MLLT10: variants seen among roughly 807,000 people sequenced by gnomAD.
The protein encoded by MLLT10 is protein AF-10.
Under a neutral mutation model 129.1 loss-of-function variants are expected in MLLT10, and 30 were observed. That is an observed-to-expected ratio of 0.23 (90% CI 0.17 to 0.32). MLLT10 has a LOEUF of 0.32. Ranked by LOEUF, MLLT10 falls within the 10% of genes least tolerant of loss-of-function variation. MLLT10 has a pLI of 1.00. For synonymous variants in MLLT10, 490 were observed against 446.4 expected (o/e 1.10, Z -1.23); for missense variants, 1,119 against 1,268.3 (o/e 0.88, Z 1.79).
intron 3 of MLLT10, 25 bp from the exon 4 acceptor site, chr10:21,586,269 C>T: frequency 1.4e-6 from 2 of 1,459,804 alleles, no homozygotes; most frequent in Non-Finnish European, 9.4e-7. Flanking sequence ...ATATTCATTA[C>T]CTGTTTCTTT....
Position 21,665,297 on chromosome 10 carries a change from T to G in MLLT10, c.796-5152T>G, listed in dbSNP as rs113509170. ...TTCTTTTTTGTTTGTTTGTTTGTTT[T>G]TTTTGGGGGGGGGGGGGTTTCACTC... On this transcript the variant is annotated intron_variant, in intron 9 of 22. Transcript: ENST00000307729. Among the ~76,000 whole-genome samples the G allele has an allele frequency of 2.7e-3, 276 of 101,780 alleles. 2 individuals carry two copies. Among genetic ancestry groups the G allele is most frequent in the African/African-American group, 9.8e-3 (252 of 25,634 alleles). The allele number at this position is 101,780 out of a possible 152,430, so 66.8% of individuals were successfully genotyped here. A position where few individuals can be genotyped will look rare whatever the true frequency, so the allele number is the denominator to read the frequency against.
At chr10:21,627,938 A>G (rs1193056207) in intron 8 of MLLT10, among the ~76,000 whole-genome samples, 1 of 152,224 alleles carries the variant, frequency 6.6e-6, no homozygotes, top group Admixed American at 6.5e-5. Flanking sequence ...TCTATTTTTC[A>G]TGTTACCACA....
chr10:21,556,907 G>T, intron 3 of MLLT10: 1 of 1,550,528 alleles, frequency 6.4e-7, no homozygotes, highest in South Asian at 1.2e-5. Flanking sequence ...ATTTATCTCA[G>T]TTGTCATTTG....
At chr10:21,614,380 G>A (rs1420223673) in intron 6 of MLLT10, among the ~76,000 whole-genome samples, 1 of 152,138 alleles carries the variant, frequency 6.6e-6, no homozygotes, top group Non-Finnish European at 1.5e-5. Context: ...GTGAATGCAT[G>A]TTTTCCTTGT....
chr10:21,728,070 T>C, intron 16 of MLLT10, 142 bp downstream of exon 16: 6 of 593,236 alleles, frequency 1.0e-5, no homozygotes. Context: ...ACAAGAAAAA[T>C]GATTCTAAAT....
chr10:21,699,007 T>A (rs1013652586), intron 13 of MLLT10, among the ~76,000 whole-genome samples: 4 of 152,186 alleles, frequency 2.6e-5, no homozygotes, highest in African/African-American at 7.2e-5. Context: ...CCGTAGTAGC[T>A]GGGATTACAG....
rs540142691 is a variant in MLLT10 at position 21,707,504 on chromosome 10, T to G, written c.1700-6268T>G. Among the ~76,000 whole-genome samples the G allele has an allele frequency of 4.6e-5, 7 of 152,292 alleles. No homozygotes were observed. In the South Asian group the frequency reaches 1.5e-3, roughly 32 times the overall value. On this transcript the variant is annotated intron_variant, in intron 13 of 22. Coordinates refer to ENST00000307729, the MANE Select transcript of MLLT10 (RefSeq NM_001195626.3). ...CTGCGCCCGGCCAAGTTTAGATGAT[T>G]CTAATTTCTAGATGCACTGCAAGTC...
chr10:21,708,177 A>G (rs2055714603), intron 13 of MLLT10, among the ~76,000 whole-genome samples: 1 of 152,166 alleles, frequency 6.6e-6, no homozygotes, highest in African/African-American at 2.4e-5. Flanking sequence ...GAAAGGAAGG[A>G]AGGAAGGAAG....
rs558209609 is a variant in MLLT10 at position 21,534,311 on chromosome 10, C to T, written c.-210C>T. The T allele has an allele frequency of 7.8e-6, 3 of 383,632 alleles. No homozygotes were observed. Among genetic ancestry groups the T allele is most frequent in the South Asian group, 2.2e-4 (2 of 9,154 alleles). 23.8% of individuals were successfully genotyped at this position (383,632 alleles called of 1,614,324 possible). A position where few individuals can be genotyped will look rare whatever the true frequency, so the allele number is the denominator to read the frequency against. On this transcript the variant is annotated 5_prime_UTR_variant, in exon 1 of 23. Transcript: ENST00000307729. Reference sequence around the variant, plus strand: ...CTGCCCCTGGCCCAGCGGGAGCCCCCCCTCCCCCCAGTGCGCCTGTGCGGA... The same window carrying T: ...CTGCCCCTGGCCCAGCGGGAGCCCCTCCTCCCCCCAGTGCGCCTGTGCGGA...
intron 9 of MLLT10, among the ~76,000 whole-genome samples, chr10:21,656,574 T>G (rs2049607348): frequency 6.6e-6 from 1 of 152,200 alleles, no homozygotes; most frequent in Non-Finnish European, 1.5e-5. Flanking sequence ...TTATACTGCC[T>G]TATATTTTTT....
At position 21,711,885 on chromosome 10, in the gene MLLT10, G is replaced by C. The variant is rs557222936; in HGVS notation, c.1700-1887G>C. ...TCTGTGCTCCTAGCCTCCTGAGGAT[G>C]TCTCTGTCATAGTGCTCTCCACAAC... On this transcript the variant is annotated intron_variant, in intron 13 of 22. Transcript: ENST00000307729. Among the ~76,000 whole-genome samples the C allele has an allele frequency of 5.9e-5, 9 of 152,306 alleles. No homozygotes were observed. In the South Asian group the frequency reaches 1.9e-3, roughly 32 times the overall value.
intron 8 of MLLT10, chr10:21,626,051 A>G (rs2046398687): frequency 1.4e-6 from 2 of 1,431,838 alleles, no homozygotes; most frequent in African/African-American, 2.8e-5. Context: ...ATTTCTCTCA[A>G]GCAAGGCCTT....
intron 3 of MLLT10, among the ~76,000 whole-genome samples, chr10:21,568,015 G>T (rs556308656): frequency 6.6e-6 from 1 of 152,044 alleles, no homozygotes; most frequent in African/African-American, 2.4e-5. Context: ...ATGGGGTTTT[G>T]CCATGTTGGC....
chr10:21,590,113 A>G (rs959875957), intron 4 of MLLT10, among the ~76,000 whole-genome samples: 1 of 151,512 alleles, frequency 6.6e-6, no homozygotes, highest in Non-Finnish European at 1.5e-5. Flanking sequence ...TTCTTTTTGT[A>G]TTTTTTGTAG....
chr10:21,645,347 G>A (rs2048377288), intron 8 of MLLT10, among the ~76,000 whole-genome samples: 1 of 152,138 alleles, frequency 6.6e-6, no homozygotes, highest in Non-Finnish European at 1.5e-5. Flanking sequence ...GGGAAAATCT[G>A]TGATGTGATT....
intron 13 of MLLT10, among the ~76,000 whole-genome samples, chr10:21,697,237 C>T (rs751038979): frequency 6.8e-4 from 104 of 151,840 alleles, no homozygotes; most frequent in Non-Finnish European, 1.2e-3. Context: ...GAGGCTGAGG[C>T]GGGCACATCA....
chr10:21,601,958 A>T (rs941205522), intron 5 of MLLT10, among the ~76,000 whole-genome samples: 1 of 152,238 alleles, frequency 6.6e-6, no homozygotes, highest in Non-Finnish European at 1.5e-5. Flanking sequence ...ACAAAAACTG[A>T]TACTTCAGGG....
intron 16 of MLLT10, among the ~76,000 whole-genome samples, chr10:21,728,538 A>G (rs1401270195): frequency 6.6e-6 from 1 of 152,128 alleles, no homozygotes; most frequent in Non-Finnish European, 1.5e-5. Flanking sequence ...GTCTGCTTGT[A>G]GGGGAGAATG....
In MLLT10 at chr10:21,595,401, A is replaced by G; in HGVS notation, c.366A>G (p.Pro122=). 6.2e-7 allele frequency: 1 copy of G among 1,613,622 alleles called. No individual in the cohort carries two copies. The highest frequency in any genetic ancestry group is 8.5e-7 in the Non-Finnish European group (1 of 1,179,666). ...VQFANVSTME[P]IVLQSVPHDR... ...TTGCCAATGTTTCCACAATGGAACC[A>G]ATTGTTTTACAGTCTGTTCCGCATG... Residue 122 remains proline (P), a synonymous_variant, in exon 5 of 23, where the codon CCA becomes CCG. Transcript: ENST00000307729.
Sources: allele counts gnomAD v4.1 joint callset (sites outside exome capture counted in the v4.1 genomes callset), GRCh38; gene constraint gnomAD v4.1.1; transcripts MANE v1.5; gene names NCBI Gene and HGNC (gene_info 2026-07-23, HGNC 2026-07-21).